The following ABCC8 variants were observed in gnomAD, a reference collection of about 807,000 sequenced individuals.
ABCC8 encodes ATP-binding cassette sub-family C member 8.
Under a neutral mutation model 188.0 loss-of-function variants are expected in ABCC8, and 137 were observed. The ratio of observed to expected loss-of-function variants is 0.73; its 90% CI spans 0.63 to 0.84. The LOEUF is 0.84. Ranked by LOEUF, ABCC8 falls within the 40% of genes least tolerant of loss-of-function variation. ABCC8 has a pLI of 0.00. For missense variants in ABCC8, 1,750 were observed against 2,072.7 expected (o/e 0.84, Z 3.02); for synonymous variants, 797 against 846.5 (o/e 0.94, Z 1.01).
At position 17,476,784 on chromosome 11, in the gene ABCC8, C is replaced by G; in HGVS notation, c.-8G>C. 4 of 1,545,004 alleles carry G rather than the reference C, an allele frequency of 2.6e-6. No homozygotes were observed. Among genetic ancestry groups the G allele is most frequent in the African/African-American group, 2.8e-5 (2 of 71,478 alleles). On this transcript the variant is annotated 5_prime_UTR_variant, in exon 1 of 39. Coordinates refer to ENST00000389817, the MANE Select transcript of ABCC8 (RefSeq NM_000352.6). ...GCAGAAGGCCAGGGGCATGGCGGCG[C>G]GGGCGCGGGCTGGGCTCGGGCTCAG...
chr11:17,425,075 C>A (rs1012246146), intron 16 of ABCC8, among the ~76,000 whole-genome samples: 1 of 152,194 alleles, frequency 6.6e-6, no homozygotes, highest in Admixed American at 6.5e-5. Flanking sequence ...CAGAAAAGGG[C>A]TCCTCCCTCC....
chr11:17,427,974 GA>G lies in ABCC8; in HGVS notation c.2041-33del, dbSNP rs1564923544. 6.2e-7 allele frequency: 1 copy of G among 1,609,014 alleles called. No homozygotes were observed. The highest frequency in any genetic ancestry group is 1.1e-5 in the South Asian group (1 of 90,180). On this transcript the variant is annotated intron_variant, in intron 14 of 38. Coordinates refer to ENST00000389817, the MANE Select transcript of ABCC8 (RefSeq NM_000352.6). This position sits in a 1 kb window ranked among gnomAD's most constrained non-coding sequence, Gnocchi z 5.0. Reference sequence around the variant, plus strand: ...TAGGCGTGTCCCACCGCCCAGGAGAGAACAGAAAGGCAGCCAGTTCCCAGTG... The same window carrying G: ...TAGGCGTGTCCCACCGCCCAGGAGAGACAGAAAGGCAGCCAGTTCCCAGTG...
intron 10 of ABCC8, among the ~76,000 whole-genome samples, chr11:17,439,660 T>G: frequency 6.6e-6 from 1 of 152,026 alleles, no homozygotes; most frequent in East Asian, 1.9e-4. Flanking sequence ...GCAAACACAC[T>G]GAGCAAACAG....
chr11:17,435,674 A>C, intron 10 of ABCC8: 1 of 1,403,280 alleles, frequency 7.1e-7, no homozygotes, highest in Non-Finnish European at 1.0e-6. Flanking sequence ...TCTGTTCTTC[A>C]CATGGCTGCC....
Position 17,413,375 on chromosome 11 carries a change from C to T in ABCC8, c.2475+19G>A, listed in dbSNP as rs373894772. 1 of 1,614,206 alleles carries T rather than the reference C, an allele frequency of 6.2e-7. No individual in the cohort carries two copies. Among genetic ancestry groups the T allele is most frequent in the Non-Finnish European group, 8.5e-7 (1 of 1,180,032 alleles). On this transcript the variant is annotated intron_variant, in intron 20 of 38. Transcript: ENST00000389817. ...GGGGGTCCTGGCTTTGAAAAAACCCCTCAGAGGCTGCTACTAACCCGTTCC... is the reference window on the plus strand; with the variant it reads ...GGGGGTCCTGGCTTTGAAAAAACCCTTCAGAGGCTGCTACTAACCCGTTCC...
At chr11:17,437,755 A>C (rs528083292) in intron 10 of ABCC8, among the ~76,000 whole-genome samples, 26 of 152,296 alleles carry the variant, frequency 1.7e-4, no homozygotes, top group Admixed American at 5.2e-4. Flanking sequence ...CAGGATATGC[A>C]TAAGCAGCCC....
At chr11:17,419,169 A>G (rs1322010289) in intron 16 of ABCC8, among the ~76,000 whole-genome samples, 2 of 152,144 alleles carry the variant, frequency 1.3e-5, no homozygotes, top group African/African-American at 4.8e-5. Flanking sequence ...AAAAGTAAAG[A>G]ATGGTATGTC....
At chr11:17,394,519 G>A (rs1953805490) in intron 36 of ABCC8, 120 bp from the exon 37 acceptor site, 1 of 1,530,606 alleles carries the variant, frequency 6.5e-7, no homozygotes, top group Non-Finnish European at 8.9e-7. Flanking sequence ...AGGTGGGTGT[G>A]TGTCCAAGAG....
chr11:17,408,901 G>A (rs1455962635), intron 22 of ABCC8, among the ~76,000 whole-genome samples: 1 of 151,508 alleles, frequency 6.6e-6, no homozygotes, highest in Non-Finnish European at 1.5e-5. Context: ...GCTTAGCAAA[G>A]CACCTGCTGG....
At chr11:17,425,313 A>G (rs141815762) in intron 16 of ABCC8, among the ~76,000 whole-genome samples, 184 of 152,288 alleles carry the variant, frequency 1.2e-3, no homozygotes, top group African/African-American at 4.3e-3. Context: ...CATCTTTTGG[A>G]TACACCATTC....
rs532361359 is a variant in ABCC8, at chr11:17,443,555, T to C, written c.1333-243A>G. The C allele has an allele frequency of 5.7e-6, 3 of 530,930 alleles. No homozygotes were observed. In the South Asian group the frequency reaches 6.0e-5, roughly 11 times the overall value. The allele number at this position is 530,930 out of a possible 1,614,324, so 32.9% of individuals were successfully genotyped here. ...CTGGGCTGGTAACTAACTGCATTTATCTGCAAGGCTGGTTGAAGCCTTAAC... is the reference window on the plus strand; with the variant it reads ...CTGGGCTGGTAACTAACTGCATTTACCTGCAAGGCTGGTTGAAGCCTTAAC... On this transcript the variant is annotated intron_variant, in intron 8 of 38. Coordinates refer to ENST00000389817, the MANE Select transcript of ABCC8 (RefSeq NM_000352.6).
At position 17,407,340 on chromosome 11, in the gene ABCC8, C is replaced by T. The variant is rs1440505843; in HGVS notation, c.2920+14G>A. 1 of 1,614,066 alleles carries T rather than the reference C, an allele frequency of 6.2e-7. No individual in the cohort carries two copies. The highest frequency in any genetic ancestry group is 2.2e-5 in the East Asian group (1 of 44,892). ...CTCAGGCCATAATTTCACTCCCAGT[C>T]CCATTGCCTGTACCTTCCTCCTCTT... On this transcript the variant is annotated intron_variant, in intron 24 of 38. Transcript: ENST00000389817.
intron 3 of ABCC8, among the ~76,000 whole-genome samples, chr11:17,464,838 G>C (rs759097334): frequency 6.6e-6 from 1 of 152,174 alleles, no homozygotes; most frequent in Non-Finnish European, 1.5e-5. Context: ...GACCAGATGC[G>C]GATAAGGTCA....
intron 11 of ABCC8, among the ~76,000 whole-genome samples, chr11:17,431,658 A>G (rs1323927521): frequency 2.0e-5 from 3 of 152,264 alleles, no homozygotes; most frequent in African/African-American, 7.2e-5. Context: ...CACAGCTTTT[A>G]TCAAAATTGC....
intron 10 of ABCC8, among the ~76,000 whole-genome samples, chr11:17,433,622 C>T (rs1955947055): frequency 6.6e-6 from 1 of 152,204 alleles, no homozygotes; most frequent in Non-Finnish European, 1.5e-5. Context: ...CAGGAAGTTC[C>T]AGATACAATG....
intron 31 of ABCC8, 73 bp from the exon 32 acceptor site, chr11:17,397,386 C>G: frequency 6.3e-7 from 1 of 1,598,644 alleles, no homozygotes; most frequent in Non-Finnish European, 8.5e-7. Context: ...AATGGCTCTT[C>G]TTAAGGCTGG....
Position 17,442,975 on chromosome 11 carries a change from C to G in ABCC8, c.1468-93G>C. On this transcript the variant is annotated intron_variant, in intron 9 of 38. Coordinates refer to ENST00000389817, the MANE Select transcript of ABCC8 (RefSeq NM_000352.6). ...GTGTCAATACTGTCACTGCCATGCCCGCCTCCTGTCCTCACCGGGAGGCAG... is the reference window on the plus strand; with the variant it reads ...GTGTCAATACTGTCACTGCCATGCCGGCCTCCTGTCCTCACCGGGAGGCAG... 10 of 1,597,438 alleles carry G rather than the reference C, an allele frequency of 6.3e-6. 1 individual carries two copies. The highest frequency in any genetic ancestry group is 3.5e-4 in the Middle Eastern group (2 of 5,786).
chr11:17,456,190 G>A (rs1395765614), intron 6 of ABCC8, among the ~76,000 whole-genome samples: 1 of 152,192 alleles, frequency 6.6e-6, no homozygotes, highest in Non-Finnish European at 1.5e-5. Context: ...ATTTTCACAA[G>A]CTCTCAGGGA....
chr11:17,445,489 T>C (rs1956488240), intron 8 of ABCC8, among the ~76,000 whole-genome samples: 1 of 152,232 alleles, frequency 6.6e-6, no homozygotes, highest in African/African-American at 2.4e-5. Flanking sequence ...GCTGTGTGCA[T>C]GTGACCAAAA....
Sources: gnomAD v4.1 joint callset for allele counts (sites outside exome capture counted in the v4.1 genomes callset) on GRCh38, gnomAD v4.1.1 for gene constraint, Gnocchi (gnomAD v3.1) non-coding constraint, MANE v1.5 for transcripts, NCBI Gene and HGNC (gene_info 2026-07-23, HGNC 2026-07-21) for gene names.